The following IMMP2L variants were observed in gnomAD, a reference collection of about 807,000 sequenced individuals.
IMMP2L encodes inner mitochondrial membrane peptidase subunit 2, also known as mitochondrial inner membrane protease subunit 2.
In IMMP2L, 18 loss-of-function variants were observed where a neutral mutation model predicts 19.3. The ratio of observed to expected loss-of-function variants is 0.93; its 90% CI spans 0.64 to 1.38. The LOEUF (loss-of-function observed/expected upper bound fraction) is 1.38, where lower values mean the gene tolerates loss of function less well. Ranked by LOEUF, IMMP2L falls within the 40% of genes most tolerant of loss-of-function variation. The pLI is 0.00. For missense variants in IMMP2L, 233 were observed against 218.2 expected, an observed-to-expected ratio of 1.07 and a Z score of -0.43; for synonymous variants, 76 against 73.0, an observed-to-expected ratio of 1.04 and a Z score of -0.21.
At chr7:110,806,320 C>T (rs1801635092) in intron 5 of IMMP2L, among the ~76,000 whole-genome samples, 1 of 151,742 alleles carries the variant, frequency 6.6e-6, no homozygotes, top group Non-Finnish European at 1.5e-5. Flanking sequence ...TCAATATGTT[C>T]AATGCAGATA....
At chr7:110,694,627 G>A (rs1474679985) in intron 5 of IMMP2L, among the ~76,000 whole-genome samples, 1 of 152,088 alleles carries the variant, frequency 6.6e-6, no homozygotes, top group Non-Finnish European at 1.5e-5. Context: ...AACAGAGAGA[G>A]CGAGAGAAAG....
intron 3 of IMMP2L, among the ~76,000 whole-genome samples, chr7:111,197,287 C>A (rs997131452): frequency 6.6e-6 from 1 of 152,038 alleles, no homozygotes; most frequent in Non-Finnish European, 1.5e-5. Context: ...ACAGGTGAAA[C>A]CCCGTCTCTA....
At chr7:110,926,060 A>G (rs1428175804) in intron 4 of IMMP2L, among the ~76,000 whole-genome samples, 1 of 152,064 alleles carries the variant, frequency 6.6e-6, no homozygotes, top group Admixed American at 6.6e-5. Context: ...GGAGCCCTAG[A>G]GTAGCCTCTG....
intron 3 of IMMP2L, among the ~76,000 whole-genome samples, chr7:111,405,481 T>C (rs989525191): frequency 7.2e-5 from 11 of 152,168 alleles, no homozygotes; most frequent in Admixed American, 6.5e-4. Context: ...TATATTGTAA[T>C]ACACATAAAT....
chr7:110,846,591 C>T (rs1805701165), intron 5 of IMMP2L, among the ~76,000 whole-genome samples: 1 of 151,998 alleles, frequency 6.6e-6, no homozygotes, highest in Non-Finnish European at 1.5e-5. Context: ...GTCTCGAACT[C>T]CTGACCTCAG....
chr7:110,778,055 C>T (rs1481250475), intron 5 of IMMP2L, among the ~76,000 whole-genome samples: 1 of 151,890 alleles, frequency 6.6e-6, no homozygotes, highest in African/African-American at 2.4e-5. Flanking sequence ...ACTATGTCAA[C>T]TTTACTAAGA....
In IMMP2L at chr7:111,123,541, C is replaced by A. The variant is rs754041119; in HGVS notation, c.240-159976G>T. The A allele has an allele frequency of 3.0e-5, 49 of 1,613,726 alleles. No homozygotes were observed. Among genetic ancestry groups the A allele is most frequent in the East Asian group, 8.9e-5 (4 of 44,860 alleles). On this transcript the variant is annotated intron_variant, in intron 3 of 5. Coordinates refer to ENST00000405709, the MANE Select transcript of IMMP2L (RefSeq NM_032549.4). This position sits in a 1 kb window ranked among gnomAD's most constrained non-coding sequence, Gnocchi z 6.4. ...TATTAAAGTACCCCATGTTGCTCTT[C>A]AAAAAGTTGTAAATCTCAAATTTTT...
chr7:111,372,361 A>T (rs2131117638), intron 3 of IMMP2L, among the ~76,000 whole-genome samples: 1 of 152,200 alleles, frequency 6.6e-6, no homozygotes, highest in South Asian at 2.1e-4. Flanking sequence ...ATACTTCTAT[A>T]AAATACTGGA....
chr7:111,240,905 T>C lies in IMMP2L; in HGVS notation c.239+246333A>G, dbSNP rs939960844. 3.9e-5 allele frequency among the ~76,000 whole-genome samples: 6 copies of C among 152,072 alleles called. No individual in the cohort carries two copies. The East Asian group carries it at 1.2e-3, about 29-fold the overall frequency. On this transcript the variant is annotated intron_variant, in intron 3 of 5. Transcript: ENST00000405709. ...CTAGACATCAGACCTAGTCAGGCCATGTCTTAGAAAGACAGGTGCTATAAA... is the reference window on the plus strand; with the variant it reads ...CTAGACATCAGACCTAGTCAGGCCACGTCTTAGAAAGACAGGTGCTATAAA...
intron 3 of IMMP2L, among the ~76,000 whole-genome samples, chr7:111,068,274 G>A (rs79022277): frequency 0.01 from 1,580 of 152,082 alleles, 28 homozygotes; most frequent in African/African-American, 0.036. Context: ...AAAAATATTT[G>A]TGACTGATGG....
At chr7:111,534,468 A>G (rs1330870103) in intron 1 of IMMP2L, among the ~76,000 whole-genome samples, 2 of 152,086 alleles carry the variant, frequency 1.3e-5, no homozygotes, top group Non-Finnish European at 2.9e-5. Flanking sequence ...ATCATCATAG[A>G]AAGAGGTCAA....
chr7:111,087,067 T>C (rs1796404300), intron 3 of IMMP2L, among the ~76,000 whole-genome samples: 1 of 152,194 alleles, frequency 6.6e-6, no homozygotes, highest in African/African-American at 2.4e-5. Context: ...AGTTCAAATT[T>C]TAGCCTCATT....
At chr7:110,945,550 G>A (rs1817170170) in intron 4 of IMMP2L, among the ~76,000 whole-genome samples, 2 of 151,956 alleles carry the variant, frequency 1.3e-5, no homozygotes, top group South Asian at 4.1e-4. Flanking sequence ...CTGTACCCCG[G>A]AGTGGGAGAA....
intron 3 of IMMP2L, among the ~76,000 whole-genome samples, chr7:111,186,634 T>C (rs1237139786): frequency 6.6e-6 from 1 of 152,100 alleles, no homozygotes; most frequent in Non-Finnish European, 1.5e-5. Context: ...TTTCACCTTG[T>C]TAGCCAGGCT....
chr7:111,225,245 T>G (rs1489160642), intron 3 of IMMP2L, among the ~76,000 whole-genome samples: 1 of 152,100 alleles, frequency 6.6e-6, no homozygotes, highest in Non-Finnish European at 1.5e-5. Context: ...AAGCAAAAAG[T>G]AGAAGTTTGA....
At chr7:110,930,508 T>C (rs1000040137) in intron 4 of IMMP2L, among the ~76,000 whole-genome samples, 3 of 152,130 alleles carry the variant, frequency 2.0e-5, no homozygotes, top group Non-Finnish European at 2.9e-5. Flanking sequence ...ATAATAGCTA[T>C]ATAGGTAGGT....
chr7:111,532,495 A>C (rs954483157), intron 1 of IMMP2L: 1 of 152,184 alleles, frequency 6.6e-6, no homozygotes. Flanking sequence ...CTAGAATGCC[A>C]TATCAACTCA....
intron 4 of IMMP2L, among the ~76,000 whole-genome samples, chr7:110,890,306 C>A (rs258980): frequency 0.04 from 6,145 of 152,158 alleles, 163 homozygotes; most frequent in South Asian, 0.085. Context: ...ACCTACTAGT[C>A]TCTTGTATAT....
intron 5 of IMMP2L, among the ~76,000 whole-genome samples, chr7:110,815,293 G>A (rs1354317459): frequency 2.0e-5 from 3 of 152,098 alleles, no homozygotes; most frequent in Admixed American, 6.6e-5. Flanking sequence ...TGCTGAACCA[G>A]CCTTGCATCC....
Sources: allele counts gnomAD v4.1 joint callset (sites outside exome capture counted in the v4.1 genomes callset), GRCh38; gene constraint gnomAD v4.1.1; non-coding constraint Gnocchi (gnomAD v3.1); transcripts MANE v1.5; gene names NCBI Gene and HGNC (gene_info 2026-07-23, HGNC 2026-07-21).